HK2: variants seen among roughly 807,000 people sequenced by gnomAD.
HK2 encodes the protein hexokinase 2.
Under a neutral mutation model 92.9 loss-of-function variants are expected in HK2, and 42 were observed. The observed-to-expected ratio is 0.45, with a 90% CI of 0.35 to 0.58. HK2 has a LOEUF of 0.58. Ranked by LOEUF, HK2 falls within the 20% of genes least tolerant of loss-of-function variation. The pLI, the probability that HK2 is intolerant of heterozygous loss-of-function variation, is 0.00. For missense variants in HK2, 978 were observed against 1,245.1 expected, an observed-to-expected ratio of 0.79 and a Z score of 3.23; for synonymous variants, 422 against 468.0, an observed-to-expected ratio of 0.90 and a Z score of 1.27.
At chr2:74,836,919 G>A (rs994514866) in intron 1 of HK2, among the ~76,000 whole-genome samples, 1 of 152,228 alleles carries the variant, frequency 6.6e-6, no homozygotes, top group African/African-American at 2.4e-5. Flanking sequence ...CTGGGTTGTA[G>A]TCTGAGGACG....
chr2:74,871,159 T>G (rs1326227822), intron 3 of HK2, among the ~76,000 whole-genome samples: 1 of 152,202 alleles, frequency 6.6e-6, no homozygotes, highest in East Asian at 1.9e-4. Context: ...CCCCAGAGTT[T>G]CTGCTATAGT....
intron 1 of HK2, among the ~76,000 whole-genome samples, chr2:74,847,932 A>G (rs1688481688): frequency 6.6e-6 from 1 of 152,212 alleles, no homozygotes; most frequent in African/African-American, 2.4e-5. Context: ...TGGTCTTTAT[A>G]GTCTTTCCTG....
chr2:74,843,696 T>A (rs1027473909), intron 1 of HK2, among the ~76,000 whole-genome samples: 1 of 152,146 alleles, frequency 6.6e-6, no homozygotes, highest in Non-Finnish European at 1.5e-5. Context: ...AAGGCCTTTT[T>A]CCCAATCCCT....
Position 74,866,831 on chromosome 2 carries a change from T to A in HK2, c.227-805T>A, listed in dbSNP as rs1558796951. Among the ~76,000 whole-genome samples the A allele has an allele frequency of 2.6e-5, 4 of 152,194 alleles. No individual in the cohort carries two copies. In the South Asian group the frequency reaches 8.3e-4, roughly 31 times the overall value. ...TTTGAGGGGGCACCTGCTTGCCTTATTCACCAGGCCTCAATGTGTTGGTCC... is the reference window on the plus strand; with the variant it reads ...TTTGAGGGGGCACCTGCTTGCCTTAATCACCAGGCCTCAATGTGTTGGTCC... On this transcript the variant is annotated intron_variant, in intron 2 of 17. Coordinates refer to ENST00000290573, the MANE Select transcript of HK2 (RefSeq NM_000189.5).
rs371330605 is a variant in HK2 at position 74,885,585 on chromosome 2, G to A, written c.1931G>A (p.Arg644Gln). Residue 644 changes from arginine (R) to glutamine (Q), a missense_variant, in exon 13 of 18, where the codon CGA becomes CAA. Coordinates refer to ENST00000290573, the MANE Select transcript of HK2 (RefSeq NM_000189.5). ...CTGCTGAAGGAAGCGATCCACCGGC[G>A]AGAGGTAGGAGACACATGGCACGAG... ...VTLLKEAIHR[R>Q]EEFDLDVVAV... 4.7e-5 allele frequency: 76 copies of A among 1,605,712 alleles called. No individual in the cohort carries two copies. Among genetic ancestry groups the A allele is most frequent in the Non-Finnish European group, 6.1e-5 (72 of 1,172,470 alleles).
intron 10 of HK2, 152 bp from the exon 11 acceptor site, chr2:74,881,559 C>A: frequency 1.2e-6 from 1 of 828,978 alleles, no homozygotes. Context: ...CTTCAGGGAG[C>A]TGGACTCTTC....
At chr2:74,845,981 G>A (rs1688425002) in intron 1 of HK2, among the ~76,000 whole-genome samples, 1 of 152,342 alleles carries the variant, frequency 6.6e-6, no homozygotes, top group Middle Eastern at 3.4e-3. Context: ...CTTTCCCAGG[G>A]TGGGCACACC....
intron 2 of HK2, among the ~76,000 whole-genome samples, chr2:74,867,188 T>C (rs3771768): frequency 0.17 from 26,210 of 151,566 alleles, 2,826 homozygotes; most frequent in Admixed American, 0.31. Context: ...GAATACTACT[T>C]AGCCATAAAA....
In HK2 at chr2:74,878,833, G is replaced by A. The variant is rs763305874; in HGVS notation, c.1177G>A (p.Val393Met). ...ASLCAATLAA[V>M]LQRIKENKGE... The stretch of plus-strand genomic sequence containing the variant: ...CCTGTGCGCAGCCACCCTGGCCGCC[G>A]TGCTGCAGCGCATCAAGGAGAACAA... Residue 393 changes from valine to methionine, a missense_variant, in exon 9 of 18, where the codon GTG (valine) becomes ATG (methionine). Around this residue, in one of 3 missense-constraint regions of HK2, gnomAD observed 742 missense variants for 922.5 expected, o/e 0.80. Transcript: ENST00000290573. 1.0e-5 allele frequency: 16 copies of A among 1,556,846 alleles called. No homozygotes were observed. The highest frequency in any genetic ancestry group is 9.7e-5 in the East Asian group (4 of 41,334).
chr2:74,872,107 G>A (rs1342294287), intron 3 of HK2, among the ~76,000 whole-genome samples, 193 bp from the exon 4 acceptor site: 1 of 152,180 alleles, frequency 6.6e-6, no homozygotes, highest in Non-Finnish European at 1.5e-5. Flanking sequence ...ATTGACTCAT[G>A]TACTCCTTTT....
chr2:74,844,197 C>T (rs1283406204), intron 1 of HK2, among the ~76,000 whole-genome samples: 1 of 150,534 alleles, frequency 6.6e-6, no homozygotes, highest in East Asian at 1.9e-4. Context: ...CTAAACAAAC[C>T]CTTCATTTTA....
chr2:74,863,753 A>T (rs1205249956), intron 2 of HK2, among the ~76,000 whole-genome samples: 1 of 152,168 alleles, frequency 6.6e-6, no homozygotes, highest in Non-Finnish European at 1.5e-5. Context: ...GTCACCCCAT[A>T]GAGGATGATT....
Position 74,834,479 on chromosome 2 carries a change from G to T in HK2, c.-102G>T, listed in dbSNP as rs1688099472. 2 of 1,210,354 alleles carry T rather than the reference G, an allele frequency of 1.7e-6. No individual in the cohort carries two copies. The highest frequency in any genetic ancestry group is 1.2e-6 in the Non-Finnish European group (1 of 825,618). 75.0% of individuals were successfully genotyped at this position (1,210,354 alleles called of 1,614,324 possible). On this transcript the variant is annotated 5_prime_UTR_variant, in exon 1 of 18. Coordinates refer to ENST00000290573, the MANE Select transcript of HK2 (RefSeq NM_000189.5). This position sits in a 1 kb window ranked among gnomAD's most constrained non-coding sequence, Gnocchi z 4.2. Reference sequence around the variant, plus strand: ...CGTCCGGACTCCCAGCTCCCGGCCCGGCAGCCGAGCCCCAGCACAAAGCAG... The same window carrying T: ...CGTCCGGACTCCCAGCTCCCGGCCCTGCAGCCGAGCCCCAGCACAAAGCAG...
At chr2:74,882,621 A>ATATATATATATATATATATATAT (rs1397815279) in intron 12 of HK2, among the ~76,000 whole-genome samples, 1 of 138,352 alleles carries the variant, frequency 7.2e-6, no homozygotes, top group Non-Finnish European at 1.6e-5. Flanking sequence ...ATATATATAT[A>ATATATATATATATATATATATAT]GCATTTTTAA....
chr2:74,837,115 C>T (rs1008686381), intron 1 of HK2, among the ~76,000 whole-genome samples: 4 of 152,214 alleles, frequency 2.6e-5, no homozygotes, highest in African/African-American at 9.7e-5. Context: ...GGTATGTCAG[C>T]TTATTAACAT....
At chr2:74,854,531 A>G (rs1688650052) in intron 2 of HK2, 76 bp downstream of exon 2, 18 of 1,547,620 alleles carry the variant, frequency 1.2e-5, no homozygotes, top group Admixed American at 1.7e-5. Context: ...AGGGACCCAA[A>G]TAACTCAAAA....
At chr2:74,867,139 T>C (rs1192630736) in intron 2 of HK2, among the ~76,000 whole-genome samples, 1 of 152,072 alleles carries the variant, frequency 6.6e-6, no homozygotes, top group African/African-American at 2.4e-5. Flanking sequence ...AACTGTCTTA[T>C]ATTGTTGATT....
rs759167448 is a variant in HK2 at position 74,886,320 on chromosome 2, G to A, written c.1962G>A (p.Val654=). The change falls in exon 14 of 18, where the codon GTG becomes GTA. Residue 654 remains valine (V), a synonymous_variant. Transcript: ENST00000290573. ...AGTTTGACCTGGATGTGGTTGCTGT[G>A]GTGAACGACACAGTCGGAACTATGA... is the stretch of plus-strand genomic sequence containing the variant. ...REEFDLDVVA[V]VNDTVGTMMT... 23 of 1,614,048 alleles carry A rather than the reference G, an allele frequency of 1.4e-5. No individual in the cohort carries two copies. The highest frequency in any genetic ancestry group is 1.9e-5 in the Non-Finnish European group (23 of 1,180,044).
Position 74,891,007 on chromosome 2 carries a change from C to A in HK2, c.*66C>A. ...TTCCCTGTTTTAAATTATAAGATGT[C>A]ATCCCCTTGTGTCAGAGACAGACCC... On this transcript the variant is annotated 3_prime_UTR_variant, in exon 18 of 18. Coordinates refer to ENST00000290573, the MANE Select transcript of HK2 (RefSeq NM_000189.5). 1 of 1,567,988 alleles carries A rather than the reference C, an allele frequency of 6.4e-7. No homozygotes were observed. The highest frequency in any genetic ancestry group is 1.1e-5 in the South Asian group (1 of 88,524).
Sources: allele counts gnomAD v4.1 joint callset (sites outside exome capture counted in the v4.1 genomes callset), GRCh38; gene constraint gnomAD v4.1.1; regional missense constraint gnomAD v4.1.1; non-coding constraint Gnocchi (gnomAD v3.1); transcripts MANE v1.5; gene names NCBI Gene and HGNC (gene_info 2026-07-23, HGNC 2026-07-21).